ZNF407: variants seen among roughly 807,000 people sequenced by gnomAD.
The protein encoded by ZNF407 is zinc finger protein 407.
A neutral mutation model predicts 131.2 loss-of-function variants in ZNF407; 17 were observed. That is an observed-to-expected ratio of 0.13 (90% CI 0.09 to 0.19). ZNF407 has a LOEUF of 0.19. ZNF407 is among the 10% of genes least tolerant of loss of function. The pLI is 1.00. For synonymous variants in ZNF407, 1,156 were observed against 1,062.0 expected (o/e 1.09, Z -1.72); for missense variants, 2,681 against 2,830.6 (o/e 0.95, Z 1.20).
At chr18:74,920,852 C>T (rs1971838014) in intron 8 of ZNF407, 160 bp downstream of exon 8, 1 of 1,275,420 alleles carries the variant, frequency 7.8e-7, no homozygotes, top group Non-Finnish European at 9.9e-7. Flanking sequence ...CAGTTTGATC[C>T]CACTCAACTA....
chr18:74,819,385 G>A lies in ZNF407; in HGVS notation c.4877+37883G>A, dbSNP rs191899532. On this transcript the variant is annotated intron_variant, in intron 4 of 8. Transcript: ENST00000299687. Reference sequence around the variant, plus strand: ...TTTAAATACAGAATGTATAATATCCGGTGAGGGTGATAGGCCTTCCTAATC... The same window carrying A: ...TTTAAATACAGAATGTATAATATCCAGTGAGGGTGATAGGCCTTCCTAATC... Among the ~76,000 whole-genome samples, 251 of 152,186 alleles carry A rather than the reference G, an allele frequency of 1.6e-3. 1 individual carries two copies. The highest frequency in any genetic ancestry group is 3.0e-3 in the Non-Finnish European group (206 of 68,018).
chr18:74,720,326 A>G (rs1968000118), intron 3 of ZNF407, among the ~76,000 whole-genome samples: 1 of 151,458 alleles, frequency 6.6e-6, no homozygotes, highest in African/African-American at 2.4e-5. Flanking sequence ...TGTTCAGATC[A>G]TCTGCCCATT....
At position 74,635,268 on chromosome 18, in the gene ZNF407, G is replaced by T; in HGVS notation, c.4249G>T (p.Asp1417Tyr). Residue 1417 changes from aspartate (D) to tyrosine (Y), a missense_variant, in exon 2 of 9, where the codon GAT becomes TAT. This residue lies in a region of ZNF407 where 1,789 missense variants were observed against 1,748.7 expected (regional missense o/e 1.02). Coordinates refer to ENST00000299687, the MANE Select transcript of ZNF407 (RefSeq NM_017757.3). This position sits in a 1 kb window ranked among gnomAD's most constrained non-coding sequence, Gnocchi z 4.7. ...TGGTGAGTCTACACGAATTCGCTGTGATGATTGTGGCTTCTTAGCAGATGG... is the reference window on the plus strand; with the variant it reads ...TGGTGAGTCTACACGAATTCGCTGTTATGATTGTGGCTTCTTAGCAGATGG... ...SIGESTRIRC[D>Y]DCGFLADGLS... is the part of the protein sequence containing the mutation. The T allele has an allele frequency of 6.2e-7, 1 of 1,614,044 alleles. No individual in the cohort carries two copies. The highest frequency in any genetic ancestry group is 8.5e-7 in the Non-Finnish European group (1 of 1,179,890).
intron 4 of ZNF407, among the ~76,000 whole-genome samples, chr18:74,870,997 A>G (rs1310431658): frequency 2.6e-5 from 4 of 152,206 alleles, no homozygotes; most frequent in African/African-American, 9.6e-5. Context: ...TGTTTCCTGG[A>G]CCCAAAATAC....
Position 74,849,052 on chromosome 18 carries a change from C to CTTTTTTTTTTTTTTTTTTTTTTTT in ZNF407, c.4878-28131_4878-28130insTTTTTTTTTTTTTTTTTTTTTTTT, listed in dbSNP as rs35529971. Among the ~76,000 whole-genome samples, 25 of 122,898 alleles carry CTTTTTTTTTTTTTTTTTTTTTTTT rather than the reference C, an allele frequency of 2.0e-4. 1 individual carries two copies. Among genetic ancestry groups the CTTTTTTTTTTTTTTTTTTTTTTTT allele is most frequent in the Non-Finnish European group, 2.8e-4 (17 of 60,358 alleles). 80.6% of individuals were successfully genotyped at this position (122,898 alleles called of 152,430 possible). ...TGGTGACTTTGGGCTACTTTTGTTT[C>CTTTTTTTTTTTTTTTTTTTTTTTT]TTTTTTTTTTTTTTATTTTTTATTT... On this transcript the variant is annotated intron_variant, in intron 4 of 8. Coordinates refer to ENST00000299687, the MANE Select transcript of ZNF407 (RefSeq NM_017757.3).
At chr18:74,880,617 T>G (rs183063970) in intron 5 of ZNF407, among the ~76,000 whole-genome samples, 14 of 152,308 alleles carry the variant, frequency 9.2e-5, no homozygotes, top group Middle Eastern at 3.4e-3. Context: ...GCTGGAAAAT[T>G]CAATCTGTTT....
In ZNF407 at chr18:74,641,046, A is replaced by G. The variant is rs748489158; in HGVS notation, c.4726A>G (p.Thr1576Ala). 12 of 1,613,282 alleles carry G rather than the reference A, an allele frequency of 7.4e-6. No individual in the cohort carries two copies. The African/African-American group carries it at 1.3e-4, about 18-fold the overall frequency. Residue 1576 changes from threonine (T) to alanine (A), a missense_variant, in exon 3 of 9, where the codon ACA becomes GCA. Around this residue, in one of 6 missense-constraint regions of ZNF407, gnomAD observed 213 missense variants for 332.2 expected, o/e 0.64. Coordinates refer to ENST00000299687, the MANE Select transcript of ZNF407 (RefSeq NM_017757.3). The part of the protein sequence containing the change: ...PFKCKICHFA[T>A]AQLGDARNHV... ...CAAGTGCAAGATATGCCATTTTGCA[A>G]CAGCTCAGCTTGGAGATGCCAGAAA...
chr18:74,624,884 A>AT (rs1235578065), intron 1 of ZNF407, among the ~76,000 whole-genome samples: 2 of 152,138 alleles, frequency 1.3e-5, no homozygotes, highest in African/African-American at 2.4e-5. Flanking sequence ...CTCAAATGAT[A>AT]TTTTTGCTAT....
intron 3 of ZNF407, among the ~76,000 whole-genome samples, chr18:74,679,439 T>C (rs1157872652): frequency 6.6e-6 from 1 of 152,222 alleles, no homozygotes; most frequent in Non-Finnish European, 1.5e-5. Context: ...TGATTCTCAT[T>C]TGTGTCTTCA....
intron 8 of ZNF407, among the ~76,000 whole-genome samples, chr18:75,055,350 C>A (rs1159280635): frequency 2.0e-5 from 3 of 152,186 alleles, no homozygotes; most frequent in African/African-American, 7.2e-5. Context: ...GCACCACGAT[C>A]TCTCTGTGTA....
intron 3 of ZNF407, among the ~76,000 whole-genome samples, chr18:74,727,286 G>A (rs1188903830): frequency 1.4e-5 from 2 of 146,298 alleles, no homozygotes; most frequent in African/African-American, 2.4e-5. Flanking sequence ...TGAAGGAAGA[G>A]AGTGAAGGAG....
intron 8 of ZNF407, among the ~76,000 whole-genome samples, chr18:74,924,236 T>G (rs1037181766): frequency 6.6e-6 from 1 of 152,208 alleles, no homozygotes; most frequent in African/African-American, 2.4e-5. Flanking sequence ...AAGATTCTGC[T>G]TCTTAATCCC....
At chr18:74,848,534 C>A (rs1970733676) in intron 4 of ZNF407, among the ~76,000 whole-genome samples, 1 of 152,108 alleles carries the variant, frequency 6.6e-6, no homozygotes. Context: ...TCTTTGGTTT[C>A]ATTGTTTTGT....
chr18:74,938,430 A>G (rs1260449136), intron 8 of ZNF407, among the ~76,000 whole-genome samples: 1 of 152,148 alleles, frequency 6.6e-6, no homozygotes, highest in African/African-American at 2.4e-5. Context: ...TGACTGTGAT[A>G]TTAACCTTTT....
At chr18:74,721,037 G>T (rs951767923) in intron 3 of ZNF407, among the ~76,000 whole-genome samples, 4 of 150,910 alleles carry the variant, frequency 2.7e-5, no homozygotes, top group Admixed American at 6.6e-5. Context: ...GAAGAATGTC[G>T]TTGGTATTTT....
intron 1 of ZNF407, among the ~76,000 whole-genome samples, chr18:74,613,531 C>A (rs1311921960): frequency 6.6e-6 from 1 of 152,234 alleles, no homozygotes; most frequent in African/African-American, 2.4e-5. Context: ...GTAGAATCGG[C>A]ACCTCACTTA....
intron 1 of ZNF407, among the ~76,000 whole-genome samples, chr18:74,624,521 C>T (rs1364829950): frequency 6.6e-6 from 1 of 152,216 alleles, no homozygotes; most frequent in Non-Finnish European, 1.5e-5. Context: ...ACACTGAGCT[C>T]TTTCTGCCTT....
intron 8 of ZNF407, among the ~76,000 whole-genome samples, chr18:75,000,205 C>A (rs9945529): frequency 0.22 from 32,978 of 151,942 alleles, 4,204 homozygotes; most frequent in African/African-American, 0.32. Context: ...AGTTGGAGAG[C>A]GATGTTTTTA....
intron 3 of ZNF407, among the ~76,000 whole-genome samples, chr18:74,740,800 G>T (rs1968531388): frequency 6.6e-6 from 1 of 152,160 alleles, no homozygotes; most frequent in Admixed American, 6.5e-5. Flanking sequence ...CTGCTGGGAG[G>T]TAAGTAGTTA....
Sources: gnomAD v4.1 joint callset for allele counts (sites outside exome capture counted in the v4.1 genomes callset) on GRCh38, gnomAD v4.1.1 for gene constraint, gnomAD v4.1.1 regional missense constraint, Gnocchi (gnomAD v3.1) non-coding constraint, MANE v1.5 for transcripts, NCBI Gene and HGNC (gene_info 2026-07-23, HGNC 2026-07-21) for gene names.